NLRP1: variants seen among roughly 807,000 people sequenced by gnomAD.
NLRP1 encodes NACHT, LRR and PYD domains-containing protein 1.
In NLRP1, 94 loss-of-function variants were observed where a neutral mutation model predicts 136.7. The observed-to-expected ratio is 0.69, with a 90% CI of 0.58 to 0.82. The LOEUF is 0.82. Among genes scored for constraint, NLRP1 ranks in the 40% least tolerant of loss-of-function variants. The pLI, the probability that NLRP1 is intolerant of heterozygous loss-of-function variation, is 0.00. For missense variants in NLRP1, 1,575 were observed against 1,802.7 expected, an observed-to-expected ratio of 0.87 and a Z score of 2.29; for synonymous variants, 690 against 725.1, an observed-to-expected ratio of 0.95 and a Z score of 0.78.
chr17:5,567,140 TGG>T (rs1489944358), intron 3 of NLRP1, among the ~76,000 whole-genome samples: 2 of 152,122 alleles, frequency 1.3e-5, no homozygotes, highest in Non-Finnish European at 2.9e-5. Flanking sequence ...GTCTTTTGAT[TGG>T]ATAGTTTAAT....
At position 5,574,824 on chromosome 17, in the gene NLRP1, G is replaced by A. The variant is rs560196425; in HGVS notation, c.652+7035C>T. ...CTATAGGTGCCCGCCATCACGCCCGGCTAATTTTTTTTGTATTTTTTAGTA... is the reference window on the plus strand; with the variant it reads ...CTATAGGTGCCCGCCATCACGCCCGACTAATTTTTTTTGTATTTTTTAGTA... On this transcript the variant is annotated intron_variant, in intron 3 of 16. Coordinates refer to ENST00000572272, the MANE Select transcript of NLRP1 (RefSeq NM_033004.4). Among the ~76,000 whole-genome samples the A allele has an allele frequency of 8.8e-4, 134 of 152,008 alleles. 4 individuals are homozygous for A. In the South Asian group the frequency reaches 0.027, roughly 30 times the overall value.
At chr17:5,539,728 C>T (rs1347341714) in intron 6 of NLRP1, 143 bp from the exon 7 acceptor site, 7 of 1,384,254 alleles carry the variant, frequency 5.1e-6, no homozygotes, top group Non-Finnish European at 6.6e-6. Context: ...ACTTTCCTGG[C>T]TTGCGGTAAC....
In NLRP1 at chr17:5,521,798, T is replaced by C. The variant is rs1908940057; in HGVS notation, c.3521-12A>G. 1 of 1,576,622 alleles carries C rather than the reference T, an allele frequency of 6.3e-7. No individual in the cohort carries two copies. The highest frequency in any genetic ancestry group is 1.1e-5 in the South Asian group (1 of 87,788). The stretch of plus-strand genomic sequence containing the variant: ...GTCCACATGGCCCCCTGTAAAAGAA[T>C]GGATTGAAGAGGCACAGGTTTATTT... On this transcript the variant is annotated splice_polypyrimidine_tract_variant and intron_variant, in intron 12 of 16. Coordinates refer to ENST00000572272, the MANE Select transcript of NLRP1 (RefSeq NM_033004.4).
Position 5,582,810 on chromosome 17 carries a change from G to C in NLRP1, c.308C>G (p.Pro103Arg), listed in dbSNP as rs1247446949. 1.2e-6 allele frequency: 2 copies of C among 1,613,390 alleles called. No homozygotes were observed. The highest frequency in any genetic ancestry group is 2.7e-5 in the African/African-American group (2 of 74,918). ...GGGTTGGCTGGGAGACCCCAGGTGG[G>C]GTTCACTTGGGCTGTAGGGGAATGA... ...SPSFPYSPSE[P>R]HLGSPSQPTS... is the part of the protein sequence containing the mutation. The change falls in exon 2 of 17, where the codon CCC becomes CGC. Residue 103 changes from proline to arginine, a missense_variant. Pro to Arg is a moderately radical substitution (Grantham distance 103, BLOSUM62 -2). Transcript: ENST00000572272.
chr17:5,559,817 A>G lies in NLRP1; in HGVS notation c.879T>C (p.Asp293=), dbSNP rs889732167. 2.5e-6 allele frequency: 4 copies of G among 1,614,062 alleles called. No homozygotes were observed. Among genetic ancestry groups the G allele is most frequent in the African/African-American group, 1.3e-5 (1 of 74,916 alleles). Residue 293 remains aspartate (D), a synonymous_variant, in exon 4 of 17, where the codon GAT becomes GAC. Coordinates refer to ENST00000572272, the MANE Select transcript of NLRP1 (RefSeq NM_033004.4). ...CAGGCCAGCTTCTCTTGACCAGGGG[A>G]TCTTGGCTTCTGGGGTGAGGTCTTT... The part of the protein sequence containing the change: ...LLQRPHPRSQ[D]PLVKRSWPDY...
At chr17:5,575,855 T>C (rs148800158) in intron 3 of NLRP1, among the ~76,000 whole-genome samples, 2,712 of 152,284 alleles carry the variant, frequency 0.018, 75 homozygotes, top group African/African-American at 0.062. Context: ...TATTCCAAAA[T>C]TGACCACATA....
intron 6 of NLRP1, 89 bp from the exon 7 acceptor site, chr17:5,539,674 T>C: frequency 7.0e-7 from 1 of 1,426,994 alleles, no homozygotes. Context: ...TCTCAGCATC[T>C]GTGGCCTTTT....
Position 5,561,694 on chromosome 17 carries a change from C to T in NLRP1, c.653-1651G>A, listed in dbSNP as rs1307490117. ...TCCTGACCTCATGATCCACCCGCCT[C>T]GGCCTCCCAAAGTGCTGGGATTACA... On this transcript the variant is annotated intron_variant, in intron 3 of 16. Transcript: ENST00000572272. Among the ~76,000 whole-genome samples, 5 of 43,190 alleles carry T rather than the reference C, an allele frequency of 1.2e-4. 1 individual carries two copies. Among genetic ancestry groups the T allele is most frequent in the Admixed American group, 2.3e-4 (1 of 4,340 alleles). The allele number at this position is 43,190 out of a possible 152,430, so 28.3% of individuals were successfully genotyped here.
chr17:5,533,685 G>A (rs1264039692), intron 9 of NLRP1, among the ~76,000 whole-genome samples: 1 of 151,836 alleles, frequency 6.6e-6, no homozygotes, highest in Non-Finnish European at 1.5e-5. Flanking sequence ...GTTCTGGAGA[G>A]GGGAAGCACC....
At chr17:5,532,687 G>A in intron 11 of NLRP1, 135 bp downstream of exon 11, 1 of 643,688 alleles carries the variant, frequency 1.6e-6, no homozygotes. Flanking sequence ...TCTGCCTGTT[G>A]TCTTGGCAAG....
intron 4 of NLRP1, among the ~76,000 whole-genome samples, chr17:5,554,141 C>A (rs1913739716): frequency 6.6e-6 from 1 of 151,994 alleles, no homozygotes; most frequent in Non-Finnish European, 1.5e-5. Flanking sequence ...CACTGCTGTC[C>A]AGGTTGGCTC....
intron 3 of NLRP1, among the ~76,000 whole-genome samples, chr17:5,572,957 T>C (rs1186330118): frequency 2.0e-5 from 3 of 152,090 alleles, no homozygotes; most frequent in Non-Finnish European, 4.4e-5. Flanking sequence ...CTGGGGCTTG[T>C]CAGACAGTGG....
At chr17:5,574,141 C>T (rs1005333460) in intron 3 of NLRP1, among the ~76,000 whole-genome samples, 15 of 152,204 alleles carry the variant, frequency 9.9e-5, no homozygotes, top group African/African-American at 2.6e-4. Flanking sequence ...AACCATGGCA[C>T]GAGAACTACG....
intron 5 of NLRP1, among the ~76,000 whole-genome samples, chr17:5,544,928 C>T (rs943785830): frequency 3.9e-5 from 6 of 151,978 alleles, no homozygotes; most frequent in South Asian, 4.2e-4. Context: ...ACTGTGGGAG[C>T]GGCCATCTGA....
intron 3 of NLRP1, among the ~76,000 whole-genome samples, chr17:5,566,646 AT>A (rs1428019774): frequency 1.3e-5 from 2 of 152,136 alleles, no homozygotes; most frequent in Non-Finnish European, 2.9e-5. Flanking sequence ...CAGCTCTTGG[AT>A]GGAATGTTCT....
chr17:5,575,682 T>A (rs149672850), intron 3 of NLRP1, among the ~76,000 whole-genome samples: 2,702 of 152,252 alleles, frequency 0.018, 74 homozygotes, highest in African/African-American at 0.062. Flanking sequence ...AATGGGAGAC[T>A]TTAACACCCC....
chr17:5,570,720 G>A (rs1452090442), intron 3 of NLRP1, among the ~76,000 whole-genome samples: 1 of 151,988 alleles, frequency 6.6e-6, no homozygotes, highest in Non-Finnish European at 1.5e-5. Context: ...AGGAGGAGGG[G>A]ACTCCTCTCT....
chr17:5,548,295 C>G (rs560555936), intron 5 of NLRP1, among the ~76,000 whole-genome samples: 1 of 152,312 alleles, frequency 6.6e-6, no homozygotes. Context: ...CAGAGTGAAA[C>G]CTATGTTCCT....
chr17:5,519,036 T>C (rs537450811), intron 14 of NLRP1, among the ~76,000 whole-genome samples: 3 of 149,208 alleles, frequency 2.0e-5, no homozygotes, highest in East Asian at 2.0e-4. Flanking sequence ...GGAGTCTCGC[T>C]CTGTCGCCCA....
Sources: allele counts gnomAD v4.1 joint callset (sites outside exome capture counted in the v4.1 genomes callset), GRCh38; gene constraint gnomAD v4.1.1; transcripts MANE v1.5; gene names NCBI Gene and HGNC (gene_info 2026-07-23, HGNC 2026-07-21).